CADPS: variants seen among roughly 807,000 people sequenced by gnomAD.
CADPS encodes calcium-dependent secretion activator 1.
In CADPS, 57 loss-of-function variants were observed where a neutral mutation model predicts 167.3. That is an observed-to-expected ratio of 0.34 (90% CI 0.28 to 0.42). The LOEUF (loss-of-function observed/expected upper bound fraction) is 0.42, where lower values mean the gene tolerates loss of function less well. Ranked by LOEUF, CADPS falls within the 20% of genes least tolerant of loss-of-function variation. CADPS has a pLI of 1.00. For missense variants in CADPS, 1,414 were observed against 1,738.1 expected, an observed-to-expected ratio of 0.81 and a Z score of 3.32; for synonymous variants, 676 against 635.3, an observed-to-expected ratio of 1.06 and a Z score of -0.96.
chr3:62,436,073 T>G (rs1470018645), intron 28 of CADPS, among the ~76,000 whole-genome samples: 4 of 152,132 alleles, frequency 2.6e-5, no homozygotes, highest in Admixed American at 2.6e-4. Context: ...GGCTGCACTT[T>G]TCCTTTTTAA....
chr3:62,431,182 G>T (rs369566804), intron 28 of CADPS, among the ~76,000 whole-genome samples: 7 of 152,130 alleles, frequency 4.6e-5, no homozygotes, highest in African/African-American at 1.7e-4. Context: ...ATTAACAAAG[G>T]ACCCTTCCCA....
At chr3:62,680,756 A>G (rs2077034705) in intron 3 of CADPS, among the ~76,000 whole-genome samples, 2 of 152,054 alleles carry the variant, frequency 1.3e-5, no homozygotes, top group Admixed American at 1.3e-4. Flanking sequence ...TCTTTTAAAA[A>G]TGAAAGTACC....
chr3:62,537,732 CTT>C (rs113299753), intron 11 of CADPS, among the ~76,000 whole-genome samples: 1 of 146,508 alleles, frequency 6.8e-6, no homozygotes. Flanking sequence ...TCCCAGGCAG[CTT>C]TTTTTTTTTC....
intron 7 of CADPS, among the ~76,000 whole-genome samples, chr3:62,592,059 T>C (rs891314942): frequency 3.3e-5 from 5 of 152,204 alleles, no homozygotes; most frequent in African/African-American, 1.2e-4. Context: ...TTGCTTAATA[T>C]GTCAGTAAAT....
intron 8 of CADPS, among the ~76,000 whole-genome samples, chr3:62,572,066 C>T (rs543163201): frequency 6.6e-6 from 1 of 152,254 alleles, no homozygotes; most frequent in South Asian, 2.1e-4. Flanking sequence ...TCATCAACAC[C>T]CACTGGAAAA....
intron 3 of CADPS, among the ~76,000 whole-genome samples, chr3:62,717,967 A>C (rs2085001763): frequency 6.6e-6 from 1 of 152,132 alleles, no homozygotes; most frequent in Admixed American, 6.5e-5. Context: ...CTTATTTCCC[A>C]TCTAGCTCAC....
At chr3:62,724,189 C>T (rs1240252612) in intron 3 of CADPS, among the ~76,000 whole-genome samples, 11 of 152,206 alleles carry the variant, frequency 7.2e-5, no homozygotes, top group Non-Finnish European at 1.5e-4. Flanking sequence ...CTCTGCTGCA[C>T]TTTCATTCAC....
intron 3 of CADPS, among the ~76,000 whole-genome samples, chr3:62,692,881 C>T (rs750327657): frequency 3.3e-5 from 5 of 152,012 alleles, no homozygotes; most frequent in Admixed American, 6.6e-5. Flanking sequence ...GCCCATACTT[C>T]AAAACCATCC....
intron 1 of CADPS, among the ~76,000 whole-genome samples, chr3:62,849,783 T>G (rs1286629923): frequency 2.2e-5 from 3 of 138,050 alleles, no homozygotes; most frequent in Non-Finnish European, 4.6e-5. Flanking sequence ...AGAATGATGC[T>G]GGCCTCATAA....
rs774706010 is a variant in CADPS at position 62,753,562 on chromosome 3, G to A, written c.767C>T (p.Ala256Val). The change falls in exon 3 of 30, where the codon GCC becomes GTC. Residue 256 changes from alanine to valine, a missense_variant. Physicochemically the swap from Ala to Val is moderately conservative, Grantham distance 64. Coordinates refer to ENST00000383710, the MANE Select transcript of CADPS (RefSeq NM_003716.4). The surrounding 1 kb of genome is among the most constrained non-coding windows in gnomAD (Gnocchi z 4.6). ...RGEEDPRKQQ[A>V]RMTASAASEL... ...GGAGGCTGCGCTGGCTGTCATCCGG[G>A]CCTGCTGCTTCCGCGGGTCCTCTTC... 147 of 1,613,986 alleles carry A rather than the reference G, an allele frequency of 9.1e-5. 2 individuals carry two copies. Among genetic ancestry groups the A allele is most frequent in the South Asian group, 5.5e-5 (5 of 91,080 alleles).
chr3:62,481,601 G>T, intron 22 of CADPS, 122 bp downstream of exon 22: 1 of 919,416 alleles, frequency 1.1e-6, no homozygotes, highest in Non-Finnish European at 1.6e-6. Context: ...TGTATGATCA[G>T]CAAAATATGT....
intron 22 of CADPS, among the ~76,000 whole-genome samples, 163 bp downstream of exon 22, chr3:62,481,560 G>A (rs1018781396): frequency 1.3e-5 from 2 of 152,170 alleles, no homozygotes; most frequent in African/African-American, 4.8e-5. Context: ...TTACAAACAT[G>A]ATGCATGCCA....
At chr3:62,807,510 CCTCG>C (rs1235670362) in intron 1 of CADPS, among the ~76,000 whole-genome samples, 2 of 152,100 alleles carry the variant, frequency 1.3e-5, no homozygotes, top group African/African-American at 4.8e-5. Context: ...ACTTCACCTG[CCTCG>C]GCCTCCCAAA....
chr3:62,832,011 AG>A (rs2075176147), intron 1 of CADPS, among the ~76,000 whole-genome samples: 1 of 152,210 alleles, frequency 6.6e-6, no homozygotes, highest in Non-Finnish European at 1.5e-5. Context: ...AAGCAGACAA[AG>A]ATAAATTATG....
chr3:62,569,108 A>AT (rs902395032), intron 9 of CADPS, among the ~76,000 whole-genome samples: 13 of 151,920 alleles, frequency 8.6e-5, no homozygotes, highest in Non-Finnish European at 7.4e-5. Flanking sequence ...TTAATTATTT[A>AT]TTTTTTTTGG....
intron 28 of CADPS, among the ~76,000 whole-genome samples, chr3:62,425,098 T>A (rs1193246476): frequency 6.6e-6 from 1 of 152,164 alleles, no homozygotes; most frequent in African/African-American, 2.4e-5. Context: ...TCTCTTCCCA[T>A]CTCTCCACAG....
chr3:62,762,591 G>A (rs376841903), intron 2 of CADPS, among the ~76,000 whole-genome samples: 1 of 151,130 alleles, frequency 6.6e-6, no homozygotes. Flanking sequence ...GGGAGGTTGA[G>A]GCTGCAGTGA....
At chr3:62,721,942 C>T (rs2075917037) in intron 3 of CADPS, among the ~76,000 whole-genome samples, 1 of 152,134 alleles carries the variant, frequency 6.6e-6, no homozygotes, top group Non-Finnish European at 1.5e-5. Flanking sequence ...CTAATGACAA[C>T]CACATAAGAA....
At chr3:62,844,125 T>C (rs376342162) in intron 1 of CADPS, among the ~76,000 whole-genome samples, 1 of 152,142 alleles carries the variant, frequency 6.6e-6, no homozygotes, top group Non-Finnish European at 1.5e-5. Flanking sequence ...CTACCACCAA[T>C]GTCTAGGAAA....
Sources: allele counts gnomAD v4.1 joint callset (sites outside exome capture counted in the v4.1 genomes callset), GRCh38; gene constraint gnomAD v4.1.1; non-coding constraint Gnocchi (gnomAD v3.1); transcripts MANE v1.5; gene names NCBI Gene and HGNC (gene_info 2026-07-23, HGNC 2026-07-21).